The following METTL15 variants were observed in gnomAD, a reference collection of about 807,000 sequenced individuals.
The protein encoded by METTL15 is methyltransferase 15, mitochondrial 12S rRNA N4-cytidine, also known as 12S rRNA N(4)-cytidine methyltransferase METTL15.
A neutral mutation model predicts 38.3 loss-of-function variants in METTL15; 34 were observed. The observed-to-expected ratio is 0.89, with a 90% CI of 0.68 to 1.18. The LOEUF (loss-of-function observed/expected upper bound fraction) is 1.18, where lower values mean the gene tolerates loss of function less well. Ranked by LOEUF, METTL15 falls within the 50% of genes most tolerant of loss-of-function variation. The pLI, the probability that METTL15 is intolerant of heterozygous loss-of-function variation, is 0.00. For synonymous variants in METTL15, 162 were observed against 170.9 expected (o/e 0.95, Z 0.41); for missense variants, 438 against 498.4 (o/e 0.88, Z 1.15).
At chr11:28,276,914 C>T (rs1855865576) in intron 4 of METTL15, among the ~76,000 whole-genome samples, 2 of 152,120 alleles carry the variant, frequency 1.3e-5, no homozygotes, top group South Asian at 2.1e-4. Context: ...TAAAAATCAA[C>T]TCAACATGAA....
At chr11:28,192,770 T>C (rs1395983445) in intron 3 of METTL15, among the ~76,000 whole-genome samples, 1 of 152,046 alleles carries the variant, frequency 6.6e-6, no homozygotes, top group Non-Finnish European at 1.5e-5. Flanking sequence ...AAATACCCTA[T>C]AATCCACAGG....
chr11:28,451,656 A>C (rs1202227685), intron 6 of METTL15, among the ~76,000 whole-genome samples: 1 of 152,144 alleles, frequency 6.6e-6, no homozygotes, highest in Non-Finnish European at 1.5e-5. Context: ...GTAAATAAGG[A>C]AATACAGCTA....
In METTL15 at chr11:28,114,607, T is replaced by A. The variant is rs925631633; in HGVS notation, c.270+1003T>A. ...CTGAGACTATAGGTGAACACTACCGTGGCCGGCTAATTTTTGTATTTTTAG... is the reference window on the plus strand; with the variant it reads ...CTGAGACTATAGGTGAACACTACCGAGGCCGGCTAATTTTTGTATTTTTAG... On this transcript the variant is annotated intron_variant, in intron 3 of 6. Coordinates refer to ENST00000407364, the MANE Select transcript of METTL15 (RefSeq NM_001113528.2). 2.6e-5 allele frequency among the ~76,000 whole-genome samples: 4 copies of A among 152,014 alleles called. No individual in the cohort carries two copies. The East Asian group carries it at 7.7e-4, about 29-fold the overall frequency.
chr11:28,167,511 A>AT (rs1252785941), intron 3 of METTL15, among the ~76,000 whole-genome samples: 2 of 151,946 alleles, frequency 1.3e-5, no homozygotes, highest in Admixed American at 1.3e-4. Flanking sequence ...TATGCAGATA[A>AT]TTTTTTAACT....
intron 3 of METTL15, among the ~76,000 whole-genome samples, chr11:28,143,357 C>T (rs906367831): frequency 6.6e-6 from 1 of 152,150 alleles, no homozygotes; most frequent in Non-Finnish European, 1.5e-5. Context: ...ATGCATTTCT[C>T]AAAACCATGA....
At chr11:28,449,743 G>A (rs565517388) in intron 6 of METTL15, among the ~76,000 whole-genome samples, 4 of 152,194 alleles carry the variant, frequency 2.6e-5, no homozygotes, top group African/African-American at 9.6e-5. Context: ...CTTCATCTGG[G>A]AGCCATGAGC....
At chr11:28,316,477 A>T (rs548821786) in intron 6 of METTL15, among the ~76,000 whole-genome samples, 1 of 152,330 alleles carries the variant, frequency 6.6e-6, no homozygotes, top group Non-Finnish European at 1.5e-5. Context: ...AACAGAAGGG[A>T]CTTAACTTGC....
intron 4 of METTL15, among the ~76,000 whole-genome samples, chr11:28,231,233 C>T (rs955363358): frequency 6.6e-6 from 1 of 151,708 alleles, no homozygotes; most frequent in African/African-American, 2.4e-5. Context: ...AGATAAGTGT[C>T]AGGACCCAAA....
chr11:28,151,609 A>G (rs1371092507), intron 3 of METTL15, among the ~76,000 whole-genome samples: 4 of 152,038 alleles, frequency 2.6e-5, no homozygotes, highest in African/African-American at 9.6e-5. Flanking sequence ...CATTTATTGC[A>G]CTGTTCACTA....
intron 3 of METTL15, among the ~76,000 whole-genome samples, chr11:28,167,039 TTTG>T (rs1385555431): frequency 3.9e-5 from 6 of 152,210 alleles, no homozygotes; most frequent in African/African-American, 1.4e-4. Flanking sequence ...TTTGATTGTA[TTTG>T]TTATTCTTTT....
intron 3 of METTL15, among the ~76,000 whole-genome samples, chr11:28,174,833 TAAA>T (rs1850998706): frequency 1.4e-5 from 2 of 140,546 alleles, no homozygotes; most frequent in African/African-American, 5.1e-5. Context: ...AAAAAAAACA[TAAA>T]AAAGCAAAAA....
intron 6 of METTL15, among the ~76,000 whole-genome samples, chr11:28,451,900 ATTTG>A (rs1851126172): frequency 6.6e-6 from 1 of 152,124 alleles, no homozygotes; most frequent in Admixed American, 6.5e-5. Context: ...GTTTTGGTTT[ATTTG>A]TTTGTTCTTC....
Position 28,330,315 on chromosome 11 carries a change from A to C in METTL15, c.779-81A>C, listed in dbSNP as rs890650035. On this transcript the variant is annotated intron_variant, in intron 6 of 6. Coordinates refer to ENST00000407364, the MANE Select transcript of METTL15 (RefSeq NM_001113528.2). The stretch of plus-strand genomic sequence containing the variant: ...ACTTAGTTCACTAAATATGCACACA[A>C]CTACACAATTCATTAGATTTACAGT... 3.5e-5 allele frequency: 45 copies of C among 1,277,064 alleles called. No individual in the cohort carries two copies. The African/African-American group carries it at 6.7e-4, about 19-fold the overall frequency. 79.1% of individuals were successfully genotyped at this position (1,277,064 alleles called of 1,614,324 possible).
chr11:28,290,473 A>G (rs2133989104), intron 5 of METTL15, 76 bp downstream of exon 5: 2 of 1,396,810 alleles, frequency 1.4e-6, no homozygotes, highest in Non-Finnish European at 2.0e-6. Context: ...AATTTTTTTA[A>G]GACTACAGAA....
At chr11:28,193,549 A>G (rs4923523) in intron 3 of METTL15, among the ~76,000 whole-genome samples, 151,760 of 152,188 alleles carry the variant, frequency 1, 75,667 homozygotes, top group Middle Eastern at 1. Flanking sequence ...TTCCAACACT[A>G]GGGATTACAA....
chr11:28,156,460 T>G (rs1850269822), intron 3 of METTL15, among the ~76,000 whole-genome samples: 1 of 152,194 alleles, frequency 6.6e-6, no homozygotes. Context: ...CGGTAGATAT[T>G]CAGTACAACA....
intron 4 of METTL15, among the ~76,000 whole-genome samples, chr11:28,218,544 C>A (rs1470974565): frequency 1.3e-5 from 2 of 152,092 alleles, no homozygotes; most frequent in African/African-American, 4.8e-5. Flanking sequence ...ATTGAATACC[C>A]TTTATTTCCT....
rs374333334 is a variant in METTL15, at chr11:28,415,353, G to T, written c.*359-8946G>T. Among the ~76,000 whole-genome samples the T allele has an allele frequency of 5.9e-5, 9 of 152,238 alleles. No homozygotes were observed. The South Asian group carries it at 1.9e-3, about 32-fold the overall frequency. ...AGAGCAGTTTTTGAAGAAAATAAAA[G>T]AAAAGGTATCTGAGAACACACCACA... On this transcript the variant is annotated intron_variant and NMD_transcript_variant, in intron 5 of 7. Transcript: ENST00000532947.
chr11:28,235,290 C>CTTGGCGAA (rs1853900712), intron 4 of METTL15, among the ~76,000 whole-genome samples: 8 of 151,896 alleles, frequency 5.3e-5, no homozygotes, highest in Admixed American at 5.3e-4. Context: ...GCGATGCGGG[C>CTTGGCGAA]TCTTTTTTGA....
Sources: allele counts gnomAD v4.1 joint callset (sites outside exome capture counted in the v4.1 genomes callset), GRCh38; gene constraint gnomAD v4.1.1; transcripts MANE v1.5; gene names NCBI Gene and HGNC (gene_info 2026-07-23, HGNC 2026-07-21).